The following TBC1D15 variants were observed in gnomAD, a reference collection of about 807,000 sequenced individuals.
TBC1D15 encodes the protein TBC1 domain family member 15.
TBC1D15 carries 39 observed loss-of-function variants against 95.4 expected under a neutral mutation model. The ratio of observed to expected loss-of-function variants is 0.41; its 90% CI spans 0.32 to 0.53. The LOEUF (loss-of-function observed/expected upper bound fraction) is 0.53. Among genes scored for constraint, TBC1D15 ranks in the 20% least tolerant of loss-of-function variants. The pLI, the probability that TBC1D15 is intolerant of heterozygous loss-of-function variation, is 0.29. For synonymous variants in TBC1D15, 258 were observed against 261.3 expected (o/e 0.99, Z 0.12); for missense variants, 733 against 794.3 (o/e 0.92, Z 0.93).
chr12:71,899,040 A>G (rs1898781439), intron 10 of TBC1D15, among the ~76,000 whole-genome samples: 1 of 152,188 alleles, frequency 6.6e-6, no homozygotes, highest in South Asian at 2.1e-4. Context: ...AGGAAAAACA[A>G]TAAGGGATTC....
At chr12:71,885,141 T>C in intron 5 of TBC1D15, 120 bp downstream of exon 5, 1 of 870,580 alleles carries the variant, frequency 1.1e-6, no homozygotes, top group South Asian at 1.7e-5. Flanking sequence ...CATGAACAGC[T>C]TAGTTTTTTC....
intron 5 of TBC1D15, among the ~76,000 whole-genome samples, chr12:71,892,901 A>C (rs1489685427): frequency 6.6e-6 from 1 of 151,676 alleles, no homozygotes. Context: ...ATGGTTTTCT[A>C]CTATAATTCT....
chr12:71,872,216 A>T, intron 2 of TBC1D15, 48 bp downstream of exon 2: 1 of 1,119,354 alleles, frequency 8.9e-7, no homozygotes, highest in Non-Finnish European at 1.3e-6. Context: ...TATGGTAGTG[A>T]TTCATCTTTG....
At chr12:71,877,206 G>GTT (rs1405279498) in intron 3 of TBC1D15, among the ~76,000 whole-genome samples, 5 of 139,558 alleles carry the variant, frequency 3.6e-5, no homozygotes, top group South Asian at 2.3e-4. Flanking sequence ...GTGTGTGTGT[G>GTT]TGTGTTTTTT....
Position 71,924,216 on chromosome 12 carries a change from G to A in TBC1D15, c.*1012G>A, listed in dbSNP as rs1228698169. On this transcript the variant is annotated 3_prime_UTR_variant, in exon 17 of 17. Transcript: ENST00000485960. ...GCTGTTGTTTTTACCATGCAGTATT[G>A]CATGATTTTAAGTTATGTGGAATTA... 6.6e-6 allele frequency: 1 copy of A among 152,492 alleles called. No individual in the cohort carries two copies. The highest frequency in any genetic ancestry group is 1.5e-5 in the Non-Finnish European group (1 of 68,004). The allele number at this position is 152,492 out of a possible 1,614,324, so 9.4% of individuals were successfully genotyped here. A position where few individuals can be genotyped will look rare whatever the true frequency, so the allele number is the denominator to read the frequency against.
At chr12:71,894,506 C>A in intron 6 of TBC1D15, 180 bp from the exon 7 acceptor site, 1 of 1,205,702 alleles carries the variant, frequency 8.3e-7, no homozygotes, top group Non-Finnish European at 1.2e-6. Flanking sequence ...AAATGATTGG[C>A]TTAGAAAATT....
chr12:71,885,004 A>G lies in TBC1D15; in HGVS notation c.537A>G (p.Lys179=), dbSNP rs1566009596. The change falls in exon 5 of 17, where the codon AAA becomes AAG. Residue 179 remains lysine (K), a synonymous_variant. Transcript: ENST00000485960. ...AACTACTGATTGAATCTCTTGAAAA[A>G]TATGTGGTATTGTGTGAGTAAGTAT... ...DSKLLIESLE[K]YVVLCESPQD... 1.9e-6 allele frequency: 3 copies of G among 1,613,690 alleles called. No individual in the cohort carries two copies. Among genetic ancestry groups the G allele is most frequent in the Non-Finnish European group, 2.5e-6 (3 of 1,179,774 alleles).
At chr12:71,895,850 A>G in intron 7 of TBC1D15, 97 bp from the exon 8 acceptor site, 2 of 1,161,612 alleles carry the variant, frequency 1.7e-6, no homozygotes, top group Non-Finnish European at 2.4e-6. Flanking sequence ...ATTAGAAGTC[A>G]TGTCTGAAAA....
intron 1 of TBC1D15, among the ~76,000 whole-genome samples, chr12:71,840,447 A>G (rs988702620): frequency 6.6e-6 from 1 of 152,214 alleles, no homozygotes; most frequent in Non-Finnish European, 1.5e-5. Context: ...TAGGCATTTC[A>G]GTAGGAGTAT....
rs551446463 is a variant in TBC1D15, at chr12:71,912,090, T to G, written c.1301-1736T>G. 1.1e-4 allele frequency among the ~76,000 whole-genome samples: 17 copies of G among 152,322 alleles called. No individual in the cohort carries two copies. In the South Asian group the frequency reaches 3.5e-3, roughly 32 times the overall value. ...CTCTTGCACTTTGTTGAATTCAGAT[T>G]AGATTTCCTTCATGCTTTAATTGGT... On this transcript the variant is annotated intron_variant, in intron 11 of 16. Transcript: ENST00000485960.
intron 5 of TBC1D15, among the ~76,000 whole-genome samples, chr12:71,885,701 G>T (rs73336834): frequency 6.6e-6 from 1 of 152,128 alleles, no homozygotes; most frequent in African/African-American, 2.4e-5. Flanking sequence ...AAGCCGCTTT[G>T]GGAGTTCCTG....
chr12:71,913,942 C>T lies in TBC1D15; in HGVS notation c.1401+16C>T, dbSNP rs3759172. 114,794 of 1,544,218 alleles carry T rather than the reference C, an allele frequency of 0.074. 4,844 individuals are homozygous for T. The highest frequency in any genetic ancestry group is 0.13 in the East Asian group (5,535 of 42,248). ...GGACCAAATGGTAAGAACAGAGATT[C>T]CTTCCATTAAACTGATTTTTAAAAT... is the stretch of plus-strand genomic sequence containing the variant. On this transcript the variant is annotated intron_variant, in intron 12 of 16. Transcript: ENST00000485960.
intron 14 of TBC1D15, among the ~76,000 whole-genome samples, chr12:71,919,259 C>G (rs1033547590): frequency 2.0e-5 from 3 of 147,192 alleles, no homozygotes; most frequent in African/African-American, 7.6e-5. Context: ...AGACTGATCT[C>G]GAACTCCTGG....
intron 11 of TBC1D15, among the ~76,000 whole-genome samples, chr12:71,908,677 T>A (rs1901421648): frequency 6.6e-6 from 1 of 152,200 alleles, no homozygotes; most frequent in Non-Finnish European, 1.5e-5. Context: ...TGAGAACCTA[T>A]AATGAGCTTC....
chr12:71,853,011 G>C (rs146745984), intron 1 of TBC1D15, among the ~76,000 whole-genome samples: 4 of 152,206 alleles, frequency 2.6e-5, no homozygotes, highest in Admixed American at 2.6e-4. Context: ...TTCTGTATTA[G>C]TCAATACTCA....
chr12:71,914,639 A>G (rs1903241362), intron 12 of TBC1D15, among the ~76,000 whole-genome samples: 1 of 152,014 alleles, frequency 6.6e-6, no homozygotes, highest in Non-Finnish European at 1.5e-5. Context: ...ACCTGACTAC[A>G]TAGAGGTTGC....
intron 11 of TBC1D15, 176 bp from the exon 12 acceptor site, chr12:71,913,650 G>T: frequency 1.9e-6 from 1 of 514,156 alleles, no homozygotes; most frequent in Non-Finnish European, 3.4e-6. Flanking sequence ...TCTTACTTAT[G>T]ACTAGAGTTC....
intron 11 of TBC1D15, among the ~76,000 whole-genome samples, chr12:71,912,193 A>G (rs1020735404): frequency 6.6e-6 from 1 of 152,092 alleles, no homozygotes; most frequent in East Asian, 1.9e-4. Flanking sequence ...TCTTCCATCT[A>G]TCTTATTCTT....
chr12:71,880,836 G>A (rs1566000232), intron 4 of TBC1D15, among the ~76,000 whole-genome samples: 1 of 152,052 alleles, frequency 6.6e-6, no homozygotes, highest in Non-Finnish European at 1.5e-5. Context: ...GTTATTAATG[G>A]CAGAAAGTAG....
Sources: allele counts gnomAD v4.1 joint callset (sites outside exome capture counted in the v4.1 genomes callset), GRCh38; gene constraint gnomAD v4.1.1; transcripts MANE v1.5; gene names NCBI Gene and HGNC (gene_info 2026-07-23, HGNC 2026-07-21).